LTBP4: variants seen among roughly 807,000 people sequenced by gnomAD.
The protein encoded by LTBP4 is latent-transforming growth factor beta-binding protein 4.
Under a neutral mutation model 180.2 loss-of-function variants are expected in LTBP4, and 93 were observed. The observed-to-expected ratio is 0.52, with a 90% CI of 0.44 to 0.61. The LOEUF (loss-of-function observed/expected upper bound fraction) is 0.61, where lower values mean the gene tolerates loss of function less well. Among genes scored for constraint, LTBP4 ranks in the 20% least tolerant of loss-of-function variants. The pLI is 0.00. For synonymous variants in LTBP4, 947 were observed against 934.5 expected (o/e 1.01, Z -0.24); for missense variants, 2,116 against 2,256.5 (o/e 0.94, Z 1.26).
Position 40,613,038 on chromosome 19 carries a change from C to G in LTBP4, c.2300-27C>G. ...GTCGGGTGTGTCCCGAGACTGGACC[C>G]TTTCTGAACACCCCCACCCCCCACA... On this transcript the variant is annotated intron_variant, in intron 15 of 29. Coordinates refer to ENST00000396819, the MANE Select transcript of LTBP4 (RefSeq NM_001042545.2). This position sits in a 1 kb window ranked among gnomAD's most constrained non-coding sequence, Gnocchi z 5.0. 2.5e-6 allele frequency: 4 copies of G among 1,609,300 alleles called. No individual in the cohort carries two copies. Among genetic ancestry groups the G allele is most frequent in the Non-Finnish European group, 3.4e-6 (4 of 1,177,510 alleles).
intron 1 of LTBP4, among the ~76,000 whole-genome samples, chr19:40,602,194 T>A (rs867766748): frequency 3.1e-5 from 1 of 32,342 alleles, no homozygotes; most frequent in South Asian, 1.1e-3. Context: ...GCGGCGGGGG[T>A]GGGGTGGGGG....
In LTBP4 at chr19:40,601,649, G is replaced by A; in HGVS notation, c.250+12G>A. 2 of 1,353,244 alleles carry A rather than the reference G, an allele frequency of 1.5e-6. No individual in the cohort carries two copies. The highest frequency in any genetic ancestry group is 3.1e-5 in the African/African-American group (2 of 65,258). 83.8% of individuals were successfully genotyped at this position (1,353,244 alleles called of 1,614,324 possible). ...CGGCTTCCGCGCCTGTGAGTGCGGG[G>A]TGGTGGTCCCGAGAGAGCGGCTCCG... On this transcript the variant is annotated intron_variant, in intron 1 of 29. Transcript: ENST00000396819.
chr19:40,612,667 G>GAATTCTGGACCCTGACTATAA (rs2081515953), intron 15 of LTBP4, among the ~76,000 whole-genome samples: 1 of 152,154 alleles, frequency 6.6e-6, no homozygotes, highest in African/African-American at 2.4e-5. Context: ...ACTTGAGGCA[G>GAATTCTGGACCCTGACTATAA]AATTCTGGAC....
In LTBP4 at chr19:40,622,639, C is replaced by G. The variant is rs1350407738; in HGVS notation, c.3456C>G (p.Arg1152=). The G allele has an allele frequency of 6.2e-7, 1 of 1,607,068 alleles. No individual in the cohort carries two copies. The highest frequency in any genetic ancestry group is 1.3e-5 in the African/African-American group (1 of 74,708). Residue 1152 remains arginine, a synonymous_variant, in exon 23 of 30, where the codon CGC becomes CGG. Transcript: ENST00000396819. The surrounding 1 kb of genome is among the most constrained non-coding windows in gnomAD (Gnocchi z 5.1). ...TVGEGWGSGC[R]IQQCPGTETA... is the part of the protein sequence containing the mutation. ...GTGAGGGCTGGGGCAGCGGCTGCCG[C>G]ATCCAGCAGTGCCCGGGCACCGAGA...
chr19:40,600,927 G>C (rs1467819944), upstream of LTBP4, among the ~76,000 whole-genome samples: 5 of 152,114 alleles, frequency 3.3e-5, no homozygotes, highest in East Asian at 5.8e-4. This position sits in a 1 kb window ranked among gnomAD's most constrained non-coding sequence, Gnocchi z 4.4. Context: ...TGTCCCACCT[G>C]GCTGTCCAGA....
At chr19:40,621,368 T>C (rs1263357036) in intron 22 of LTBP4, among the ~76,000 whole-genome samples, 2 of 152,170 alleles carry the variant, frequency 1.3e-5, no homozygotes, top group African/African-American at 4.8e-5. Flanking sequence ...AGTGAGAACA[T>C]GTGGTATTTG....
At chr19:40,619,317 T>C in intron 21 of LTBP4, 30 bp from the exon 22 acceptor site, 5 of 1,605,470 alleles carry the variant, frequency 3.1e-6, no homozygotes, top group Non-Finnish European at 4.3e-6. Flanking sequence ...AACCACTGAG[T>C]CCCTCTCCCC....
At chr19:40,596,612 C>T (rs902016575), upstream of LTBP4, among the ~76,000 whole-genome samples, 2 of 152,146 alleles carry the variant, frequency 1.3e-5, no homozygotes, top group Admixed American at 1.3e-4. Flanking sequence ...CCTGGAATCC[C>T]TGAAGCCCAG....
upstream of LTBP4, chr19:40,597,280 C>G: frequency 6.6e-7 from 1 of 1,521,818 alleles, no homozygotes; most frequent in Non-Finnish European, 8.8e-7. Flanking sequence ...CCTGCTGGTG[C>G]TGTTGCTGCC....
Position 40,608,349 on chromosome 19 carries a change from C to G in LTBP4, c.1286C>G (p.Ala429Gly). 6.2e-7 allele frequency: 1 copy of G among 1,613,324 alleles called. No homozygotes were observed. Among genetic ancestry groups the G allele is most frequent in the Non-Finnish European group, 8.5e-7 (1 of 1,179,686 alleles). The change falls in exon 8 of 30, where the codon GCC becomes GGC. Residue 429 changes from alanine to glycine, a missense_variant. By Grantham distance (60) the Ala-to-Gly change is moderately conservative. Transcript: ENST00000396819. ...CTCAGCCAGCCTCGTACCCTGCCAG[C>G]CACCTCTCGGCCATCTGCAGGTGAG... The part of the protein sequence containing the change: ...VSLSQPRTLP[A>G]TSRPSAGFLP...
upstream of LTBP4, among the ~76,000 whole-genome samples, chr19:40,596,693 G>A (rs555702579): frequency 6.6e-6 from 1 of 152,124 alleles, no homozygotes; most frequent in African/African-American, 2.4e-5. Context: ...GGCAGGACCT[G>A]GGGGCTGGTG....
At chr19:40,599,256 G>T, upstream of LTBP4, 2 of 1,613,822 alleles carry the variant, frequency 1.2e-6, no homozygotes, top group Non-Finnish European at 1.7e-6. Flanking sequence ...TGCATCCGAG[G>T]TGGGTTCTGG....
intron 21 of LTBP4, among the ~76,000 whole-genome samples, 189 bp downstream of exon 21, chr19:40,617,414 C>T (rs1433220335): frequency 2.6e-5 from 4 of 152,076 alleles, no homozygotes; most frequent in Admixed American, 1.3e-4. Flanking sequence ...GAGGCCGAGG[C>T]GGGCAGATCA....
rs2081619529 is a variant in LTBP4 at position 40,625,279 on chromosome 19, TATATATATATATATA to T, written c.3833-577_3833-563del. ...ATATATATATATATATATATATATA[TATATATATATATATA>T]TATATATATATATATATATATATTT... is the stretch of plus-strand genomic sequence containing the variant. On this transcript the variant is annotated intron_variant, in intron 26 of 29. Coordinates refer to ENST00000396819, the MANE Select transcript of LTBP4 (RefSeq NM_001042545.2). Among the ~76,000 whole-genome samples the T allele has an allele frequency of 2.5e-3, 24 of 9,650 alleles. 2 individuals carry two copies. The highest frequency in any genetic ancestry group is 3.4e-3 in the Non-Finnish European group (21 of 6,108). The allele number at this position is 9,650 out of a possible 152,430, so 6.3% of individuals were successfully genotyped here.
At chr19:40,623,756 C>G in intron 25 of LTBP4, 24 bp downstream of exon 25, 1 of 1,613,272 alleles carries the variant, frequency 6.2e-7, no homozygotes, top group Non-Finnish European at 8.5e-7. Context: ...CTCCCCCAAC[C>G]CCCGGCAACT....
At chr19:40,607,685 G>C (rs2081473595) in intron 7 of LTBP4, among the ~76,000 whole-genome samples, 156 bp downstream of exon 7, 1 of 152,198 alleles carries the variant, frequency 6.6e-6, no homozygotes, top group African/African-American at 2.4e-5. Flanking sequence ...CCTCAGACTG[G>C]ACAGCATCCA....
chr19:40,624,829 A>T lies in LTBP4; in HGVS notation c.3832+747A>T, dbSNP rs143082420. The stretch of plus-strand genomic sequence containing the variant: ...CATCTCTAGGTCTCTGTCTCTTTCC[A>T]GCTGTTTGTGGATTTCTGTCTTTGG... On this transcript the variant is annotated intron_variant, in intron 26 of 29. Coordinates refer to ENST00000396819, the MANE Select transcript of LTBP4 (RefSeq NM_001042545.2). 2.6e-3 allele frequency among the ~76,000 whole-genome samples: 387 copies of T among 151,052 alleles called. 3 individuals carry two copies. The highest frequency in any genetic ancestry group is 8.8e-3 in the African/African-American group (362 of 41,066).
chr19:40,597,344 T>C, upstream of LTBP4: 1 of 1,522,768 alleles, frequency 6.6e-7, no homozygotes, highest in South Asian at 1.2e-5. Context: ...CCCAGCCAGG[T>C]CGTCGAGGTC....
rs1461571518 is a variant in LTBP4 at position 40,619,956 on chromosome 19, C to A, written c.3217+463C>A. Among the ~76,000 whole-genome samples the A allele has an allele frequency of 1.3e-4, 20 of 152,268 alleles. 1 individual carries two copies. The highest frequency in any genetic ancestry group is 5.9e-5 in the Non-Finnish European group (4 of 68,030). ...CTTCCTGTAGGAGACGACATCTGAA[C>A]TGAGAGCTGTGGGATGAATAGAAAT... On this transcript the variant is annotated intron_variant, in intron 22 of 29. Transcript: ENST00000396819.
Sources: allele counts gnomAD v4.1 joint callset (sites outside exome capture counted in the v4.1 genomes callset), GRCh38; gene constraint gnomAD v4.1.1; non-coding constraint Gnocchi (gnomAD v3.1); transcripts MANE v1.5; gene names NCBI Gene and HGNC (gene_info 2026-07-23, HGNC 2026-07-21).